The following SLC26A11 variants were observed in gnomAD, a reference collection of about 807,000 sequenced individuals.
SLC26A11 encodes solute carrier family 26 member 11, also known as sodium-independent sulfate anion transporter.
A neutral mutation model predicts 62.2 loss-of-function variants in SLC26A11; 58 were observed. That is an observed-to-expected ratio of 0.93 (90% CI 0.76 to 1.16). The LOEUF (loss-of-function observed/expected upper bound fraction) is 1.16, where lower values mean the gene tolerates loss of function less well. SLC26A11 is among the 50% of genes most tolerant of loss of function. The pLI is 0.00. For missense variants in SLC26A11, 790 were observed against 794.3 expected, an observed-to-expected ratio of 0.99 and a Z score of 0.06; for synonymous variants, 411 against 368.9, an observed-to-expected ratio of 1.11 and a Z score of -1.31.
At chr17:80,238,283 G>T (rs1401642823) in intron 9 of SLC26A11, among the ~76,000 whole-genome samples, 1 of 152,172 alleles carries the variant, frequency 6.6e-6, no homozygotes, top group Non-Finnish European at 1.5e-5. Context: ...AGCCCGGGAG[G>T]TCGAGGTGGC....
At chr17:80,225,733 C>T (rs541782799) in intron 5 of SLC26A11, 104 bp from the exon 6 acceptor site, 57 of 1,010,940 alleles carry the variant, frequency 5.6e-5, no homozygotes, top group East Asian at 1.2e-4. Flanking sequence ...GGAGCAGGGC[C>T]GGGGGACACT....
intron 7 of SLC26A11, among the ~76,000 whole-genome samples, chr17:80,233,494 C>G (rs2042612304): frequency 6.6e-6 from 1 of 151,894 alleles, no homozygotes. Context: ...TTGTACAAAT[C>G]CAGATTTCCA....
In SLC26A11 at chr17:80,246,700, G is replaced by A. The variant is rs563796273; in HGVS notation, c.1294+51G>A. 1.5e-5 allele frequency: 24 copies of A among 1,581,324 alleles called. No homozygotes were observed. Among genetic ancestry groups the A allele is most frequent in the African/African-American group, 1.3e-4 (10 of 74,272 alleles). ...GCGCTGTGATGCGGTGTCTGAACGC[G>A]GAGGGTGTCATTTATGCTACCCCAT... On this transcript the variant is annotated intron_variant, in intron 13 of 17. Transcript: ENST00000361193. The surrounding 1 kb of genome is among the most constrained non-coding windows in gnomAD (Gnocchi z 4.4).
intron 7 of SLC26A11, among the ~76,000 whole-genome samples, chr17:80,231,955 T>C (rs774597067): frequency 3.3e-5 from 5 of 152,216 alleles, no homozygotes; most frequent in African/African-American, 7.2e-5. Flanking sequence ...GTCTGGTTGG[T>C]TATCTCAGGC....
At position 80,222,529 on chromosome 17, in the gene SLC26A11, C is replaced by T. The variant is rs1306555225; in HGVS notation, c.235-126C>T. ...CTGCAGGTCCACCCACAGGGCAGGG[C>T]GGTGCACCTTTAACCTGGGCCTGGA... On this transcript the variant is annotated intron_variant, in intron 3 of 17. Transcript: ENST00000361193. The surrounding 1 kb of genome is among the most constrained non-coding windows in gnomAD (Gnocchi z 4.7). 13 of 967,068 alleles carry T rather than the reference C, an allele frequency of 1.3e-5. No individual in the cohort carries two copies. The highest frequency in any genetic ancestry group is 5.0e-5 in the East Asian group (2 of 40,168). 59.9% of individuals were successfully genotyped at this position (967,068 alleles called of 1,614,324 possible).
At position 80,234,480 on chromosome 17, in the gene SLC26A11, TTG is replaced by T. The variant is rs201052091; in HGVS notation, c.737-2446_737-2445del. ...CTTGATGTAGTGTTTTTTTGTTTGT[TTG>T]TTTTTTGTTTTCTGTGTTTATGCTT... On this transcript the variant is annotated intron_variant, in intron 7 of 17. Transcript: ENST00000361193. Among the ~76,000 whole-genome samples the T allele has an allele frequency of 3.0e-4, 45 of 152,114 alleles. No homozygotes were observed. The East Asian group carries it at 3.7e-3, about 12-fold the overall frequency.
chr17:80,239,035 C>T (rs944802958), intron 9 of SLC26A11, among the ~76,000 whole-genome samples: 1 of 151,158 alleles, frequency 6.6e-6, no homozygotes, highest in Non-Finnish European at 1.5e-5. Context: ...CTATGTTGGC[C>T]AGGCTGGTCT....
chr17:80,241,529 C>T (rs375646946), intron 9 of SLC26A11, among the ~76,000 whole-genome samples: 13 of 152,124 alleles, frequency 8.5e-5, no homozygotes, highest in African/African-American at 2.9e-4. Context: ...AAAAGTGCTG[C>T]GATTATAGCT....
In SLC26A11 at chr17:80,248,219, C is replaced by T; in HGVS notation, c.1384C>T (p.Leu462Phe). ...CCTGGCCGGGGCCCTGGTGTCTCTG[C>T]TCATGCTCCTGCACTCTGCAGCCAG... is the stretch of plus-strand genomic sequence containing the variant. ...GILAGALVSL[L>F]MLLHSAARPE... The change falls in exon 14 of 18, where the codon CTC becomes TTC. Residue 462 changes from leucine to phenylalanine, a missense_variant. Physicochemically the swap from Leu to Phe is conservative, Grantham distance 22. Coordinates refer to ENST00000361193, the MANE Select transcript of SLC26A11 (RefSeq NM_001166347.2). 1 of 1,609,646 alleles carries T rather than the reference C, an allele frequency of 6.2e-7. No homozygotes were observed.
chr17:80,220,483 G>T lies in SLC26A11; in HGVS notation c.-227G>T. ...CGGCGACGCCAGGAGACCCCAAGCTGCATCGCCGAGTGGGTGAGTCCGTGG... is the reference window on the plus strand; with the variant it reads ...CGGCGACGCCAGGAGACCCCAAGCTTCATCGCCGAGTGGGTGAGTCCGTGG... On this transcript the variant is annotated 5_prime_UTR_variant, in exon 1 of 18. Coordinates refer to ENST00000361193, the MANE Select transcript of SLC26A11 (RefSeq NM_001166347.2). 2 of 563,188 alleles carry T rather than the reference G, an allele frequency of 3.6e-6. No homozygotes were observed. The highest frequency in any genetic ancestry group is 5.7e-6 in the Non-Finnish European group (2 of 353,322). 34.9% of individuals were successfully genotyped at this position (563,188 alleles called of 1,614,324 possible).
intron 3 of SLC26A11, 199 bp downstream of exon 3, chr17:80,221,993 G>A: frequency 3.4e-6 from 2 of 592,680 alleles, no homozygotes; most frequent in South Asian, 4.6e-5. Flanking sequence ...CACTGAGCTG[G>A]TTATGGAGGG....
At chr17:80,229,552 C>G (rs147622983) in intron 7 of SLC26A11, among the ~76,000 whole-genome samples, 7 of 151,974 alleles carry the variant, frequency 4.6e-5, no homozygotes, top group African/African-American at 1.7e-4. Context: ...GCCTCAGCCT[C>G]GCGAGTAGCT....
At chr17:80,245,168 C>G in intron 10 of SLC26A11, 28 bp from the exon 11 acceptor site, 2 of 1,610,962 alleles carry the variant, frequency 1.2e-6, no homozygotes, top group Non-Finnish European at 1.7e-6. Flanking sequence ...CTTCCCTCCA[C>G]GATCAGCCTG....
chr17:80,240,284 G>T (rs939779754), intron 9 of SLC26A11, among the ~76,000 whole-genome samples: 1 of 151,680 alleles, frequency 6.6e-6, no homozygotes, highest in Non-Finnish European at 1.5e-5. Flanking sequence ...GGAGAATGGC[G>T]TGAACCCGGG....
Position 80,222,895 on chromosome 17 carries a change from T to G in SLC26A11, c.427+48T>G. 6.3e-7 allele frequency: 1 copy of G among 1,593,522 alleles called. No homozygotes were observed. The highest frequency in any genetic ancestry group is 8.6e-7 in the Non-Finnish European group (1 of 1,166,072). ...AGGGGATGCCCTCGACCTCAGCATT[T>G]GCTTGTTTGCATTTCAAGTCTATCC... On this transcript the variant is annotated intron_variant, in intron 4 of 17. Transcript: ENST00000361193. This position sits in a 1 kb window ranked among gnomAD's most constrained non-coding sequence, Gnocchi z 4.7.
At position 80,222,624 on chromosome 17, in the gene SLC26A11, C is replaced by T; in HGVS notation, c.235-31C>T. ...GGAGCTGGTGGATGGGCCTCGGCCT[C>T]CTGAGTGCTCACCACCCTCTCTCCC... On this transcript the variant is annotated intron_variant, in intron 3 of 17. Transcript: ENST00000361193. This position sits in a 1 kb window ranked among gnomAD's most constrained non-coding sequence, Gnocchi z 4.7. 1 of 1,605,110 alleles carries T rather than the reference C, an allele frequency of 6.2e-7. No homozygotes were observed. The highest frequency in any genetic ancestry group is 2.2e-5 in the East Asian group (1 of 44,772).
At chr17:80,227,455 C>T (rs530705073) in intron 6 of SLC26A11, among the ~76,000 whole-genome samples, 1 of 152,306 alleles carries the variant, frequency 6.6e-6, no homozygotes, top group South Asian at 2.1e-4. Context: ...ATCATCATGA[C>T]CCGGGCCTCT....
rs2042385152 is a variant in SLC26A11 at position 80,225,560 on chromosome 17, G to GT, written c.514-271dup. On this transcript the variant is annotated intron_variant, in intron 5 of 17. Transcript: ENST00000361193. Reference sequence around the variant, plus strand: ...TGCCTGCTGTGGGGTCACCTACATTGTTTTTTATGAGAAAAGTAATTTAGA... The same window carrying GT: ...TGCCTGCTGTGGGGTCACCTACATTGTTTTTTTATGAGAAAAGTAATTTAGA... 3 of 380,576 alleles carry GT rather than the reference G, an allele frequency of 7.9e-6. No individual in the cohort carries two copies. The South Asian group carries it at 8.8e-5, about 11-fold the overall frequency. 23.6% of individuals were successfully genotyped at this position (380,576 alleles called of 1,614,324 possible).
At chr17:80,245,646 G>A (rs908278709) in intron 11 of SLC26A11, among the ~76,000 whole-genome samples, 9 of 152,186 alleles carry the variant, frequency 5.9e-5, no homozygotes, top group African/African-American at 1.9e-4. Context: ...TTCCCAGCAC[G>A]CCAAAGCCCT....
Sources: gnomAD v4.1 joint callset for allele counts (sites outside exome capture counted in the v4.1 genomes callset) on GRCh38, gnomAD v4.1.1 for gene constraint, Gnocchi (gnomAD v3.1) non-coding constraint, MANE v1.5 for transcripts, NCBI Gene and HGNC (gene_info 2026-07-23, HGNC 2026-07-21) for gene names.